DUOX1: variants seen among roughly 807,000 people sequenced by gnomAD.
The protein encoded by DUOX1 is NADPH thyroid oxidase 1.
In DUOX1, 134 loss-of-function variants were observed where a neutral mutation model predicts 181.8. The ratio of observed to expected loss-of-function variants is 0.74; its 90% CI spans 0.64 to 0.85. DUOX1 has a LOEUF of 0.85. Among genes scored for constraint, DUOX1 ranks in the 40% least tolerant of loss-of-function variants. The probability of loss-of-function intolerance (pLI) is 0.00; values close to 1 mark genes in which losing one functional copy is unlikely to be tolerated. For missense variants in DUOX1, 1,814 were observed against 2,064.4 expected (o/e 0.88, Z 2.35); for synonymous variants, 798 against 832.5 (o/e 0.96, Z 0.71).
At chr15:45,158,700 CAAAAAAAAAAAAAAAAAAA>C (rs58522871) in intron 28 of DUOX1, among the ~76,000 whole-genome samples, 52 of 47,046 alleles carry the variant, frequency 1.1e-3, no homozygotes, top group Admixed American at 1.5e-3. Context: ...ACTTCCATCT[CAAAAAAAAAAAAAAAAAAA>C]AAAAAAAAAA....
At chr15:45,134,095 C>G (rs1896220312) in intron 3 of DUOX1, 50 bp from the exon 4 acceptor site, 1 of 1,536,398 alleles carries the variant, frequency 6.5e-7, no homozygotes, top group Admixed American at 2.1e-5. Flanking sequence ...GAGAGGGGGT[C>G]AAGAATGCCC....
In DUOX1 at chr15:45,141,046, A is replaced by C; in HGVS notation, c.1541A>C (p.Tyr514Ser). 1 of 1,614,202 alleles carries C rather than the reference A, an allele frequency of 6.2e-7. No homozygotes were observed. The highest frequency in any genetic ancestry group is 2.2e-5 in the East Asian group (1 of 44,886). ...QFVRLRDGDR[Y>S]WFENTRNGLF... The stretch of plus-strand genomic sequence containing the variant: ...GTGCGGCTACGGGATGGTGACCGCT[A>C]CTGGTTTGAGAACACCAGGAATGGG... The change falls in exon 13 of 34, where the codon TAC becomes TCC. Residue 514 changes from tyrosine (Y) to serine (S), a missense_variant. By Grantham distance (144) the Tyr-to-Ser change is moderately radical. This residue lies in a region of DUOX1 where 1,064 missense variants were observed against 1,152.9 expected (regional missense o/e 0.92). Coordinates refer to ENST00000389037, the MANE Select transcript of DUOX1 (RefSeq NM_175940.3).
intron 28 of DUOX1, among the ~76,000 whole-genome samples, chr15:45,159,307 C>T (rs1897041359): frequency 6.6e-6 from 1 of 152,214 alleles, no homozygotes; most frequent in Non-Finnish European, 1.5e-5. Context: ...GCTTGGGCAA[C>T]ACCCATGACT....
chr15:45,148,447 G>T lies in DUOX1; in HGVS notation c.2818G>T (p.Gly940Trp), dbSNP rs758228749. The change falls in exon 21 of 34, where the codon GGG (glycine) becomes TGG (tryptophan). Residue 940 changes from glycine (G) to tryptophan (W), a missense_variant and splice_region_variant. Physicochemically the swap from Gly to Trp is radical, Grantham distance 184. Around this residue, in one of 5 missense-constraint regions of DUOX1, gnomAD observed 1,064 missense variants for 1,152.9 expected, o/e 0.92. Coordinates refer to ENST00000389037, the MANE Select transcript of DUOX1 (RefSeq NM_175940.3). ...ELRFTQLCVKGVEVPEVIKDL... is the reference protein window; with the variant it reads ...ELRFTQLCVKWVEVPEVIKDL... ...CCGCTTCACGCAGCTCTGTGTCAAA[G>T]GTGGGGCAGCCTGGTAGGCAGCACT... is the stretch of plus-strand genomic sequence containing the variant. 1.9e-6 allele frequency: 3 copies of T among 1,610,130 alleles called. No individual in the cohort carries two copies. The highest frequency in any genetic ancestry group is 2.5e-6 in the Non-Finnish European group (3 of 1,177,306).
At chr15:45,164,272 G>A (rs575937935) in intron 33 of DUOX1, among the ~76,000 whole-genome samples, 37 of 152,158 alleles carry the variant, frequency 2.4e-4, no homozygotes, top group Admixed American at 2.3e-3. Context: ...ATGAGCACTG[G>A]GCTAGTCACT....
chr15:45,151,334 C>T, intron 23 of DUOX1, 86 bp downstream of exon 23: 1 of 1,533,440 alleles, frequency 6.5e-7, no homozygotes, highest in Non-Finnish European at 8.8e-7. Flanking sequence ...AGGCACTGTG[C>T]TAAACATTGT....
intron 2 of DUOX1, among the ~76,000 whole-genome samples, chr15:45,133,661 A>C (rs1030938493): frequency 3.3e-5 from 5 of 151,978 alleles, no homozygotes; most frequent in African/African-American, 1.2e-4. Flanking sequence ...TGTCTCCCCC[A>C]CTGAGCAGCT....
intron 1 of DUOX1, among the ~76,000 whole-genome samples, 188 bp downstream of exon 1, chr15:45,130,286 A>G (rs956766970): frequency 2.6e-4 from 39 of 152,314 alleles, no homozygotes; most frequent in African/African-American, 9.1e-4. Context: ...CCTCTGCCCA[A>G]TCAAGGTTTT....
At chr15:45,154,900 G>A (rs993959742) in intron 27 of DUOX1, among the ~76,000 whole-genome samples, 3 of 152,162 alleles carry the variant, frequency 2.0e-5, no homozygotes, top group Admixed American at 6.5e-5. Context: ...GTGAGAGGAG[G>A]GGCCTCCCAC....
intron 27 of DUOX1, 123 bp downstream of exon 27, chr15:45,154,123 C>A: frequency 3.3e-6 from 3 of 916,864 alleles, no homozygotes; most frequent in Non-Finnish European, 5.4e-6. Context: ...CAGGCTCTGT[C>A]CTCTGGCCTG....
Position 45,156,526 on chromosome 15 carries a change from G to A in DUOX1, c.3702+597G>A, listed in dbSNP as rs556798314. On this transcript the variant is annotated intron_variant, in intron 28 of 33. Transcript: ENST00000389037. ...CAACTCACAGCAACCACCGCCTTCCGGGTTCAAGCAATTCTCCTGTCTCAG... is the reference window on the plus strand; with the variant it reads ...CAACTCACAGCAACCACCGCCTTCCAGGTTCAAGCAATTCTCCTGTCTCAG... Among the ~76,000 whole-genome samples, 152 of 152,248 alleles carry A rather than the reference G, an allele frequency of 1.0e-3. 3 individuals carry two copies. The South Asian group carries it at 0.028, about 28-fold the overall frequency.
rs1896510233 is a variant in DUOX1 at position 45,142,038 on chromosome 15, T to C, written c.1748T>C (p.Val583Ala). Residue 583 changes from valine to alanine, a missense_variant, in exon 15 of 34, where the codon GTT (valine) becomes GCT (alanine). Coordinates refer to ENST00000389037, the MANE Select transcript of DUOX1 (RefSeq NM_175940.3). ...TEGLPACAPS[V>A]VRDYFEGSGF... ...GGCCTGCCAGCGTGTGCTCCCTCTG[T>C]TGTTCGTGACTATTTTGAGGGCAGT... is the stretch of plus-strand genomic sequence containing the variant. 3 of 1,613,908 alleles carry C rather than the reference T, an allele frequency of 1.9e-6. No individual in the cohort carries two copies. The highest frequency in any genetic ancestry group is 1.3e-5 in the African/African-American group (1 of 74,912).
Position 45,152,010 on chromosome 15 carries a change from T to C in DUOX1, c.3151T>C (p.Phe1051Leu). 6.2e-7 allele frequency: 1 copy of C among 1,614,078 alleles called. No individual in the cohort carries two copies. The highest frequency in any genetic ancestry group is 1.1e-5 in the South Asian group (1 of 91,080). ...GCGCCACATCGGCTGCGTGGCCGTG[T>C]TCTACGCCATCGCTGGGGGGCTTTT... ...YRRHIGCVAV[F>L]YAIAGGLFLE... Residue 1051 changes from phenylalanine to leucine, a missense_variant, in exon 24 of 34, where the codon TTC becomes CTC. Around this residue, in one of 5 missense-constraint regions of DUOX1, gnomAD observed 1,064 missense variants for 1,152.9 expected, o/e 0.92. Coordinates refer to ENST00000389037, the MANE Select transcript of DUOX1 (RefSeq NM_175940.3).
rs1421152432 is a variant in DUOX1, at chr15:45,135,505, G to T, written c.527G>T (p.Ser176Ile). Residue 176 changes from serine to isoleucine, a missense_variant, in exon 6 of 34, where the codon AGC becomes ATC. Ser to Ile is a moderately radical substitution (Grantham distance 142). This residue lies in a region of DUOX1 where 320 missense variants were observed against 313.1 expected (regional missense o/e 1.02). Transcript: ENST00000389037. ...ANQVTGWLDG[S>I]AIYGSSHSWS... ...CAGGTGACGGGCTGGCTGGACGGCA[G>T]CGCCATCTATGGTTCCTCGCATTCC... 6 of 1,557,914 alleles carry T rather than the reference G, an allele frequency of 3.9e-6. No individual in the cohort carries two copies. In the East Asian group the frequency reaches 1.4e-4, roughly 37 times the overall value.
chr15:45,164,009 A>G (rs891847874), intron 33 of DUOX1, 91 bp downstream of exon 33: 1 of 1,534,130 alleles, frequency 6.5e-7, no homozygotes, highest in African/African-American at 1.4e-5. Context: ...GAAGAAATCG[A>G]CTGCTGATGA....
In DUOX1 at chr15:45,162,297, A is replaced by G. The variant is rs149126264; in HGVS notation, c.4168A>G (p.Ile1390Val). 3 of 1,614,020 alleles carry G rather than the reference A, an allele frequency of 1.9e-6. No homozygotes were observed. The highest frequency in any genetic ancestry group is 1.7e-6 in the Non-Finnish European group (2 of 1,179,960). The change falls in exon 31 of 34, where the codon ATT (isoleucine) becomes GTT (valine). Residue 1390 changes from isoleucine to valine, a missense_variant. Coordinates refer to ENST00000389037, the MANE Select transcript of DUOX1 (RefSeq NM_175940.3). Reference sequence around the variant, plus strand: ...GGTGTCAGTGTTAGTGGGAGGGGGCATTGGGGTCACCCCTTTTGCCTCCAT... The same window carrying G: ...GGTGTCAGTGTTAGTGGGAGGGGGCGTTGGGGTCACCCCTTTTGCCTCCAT... ...FEVSVLVGGG[I>V]GVTPFASILK...
chr15:45,140,924 C>T lies in DUOX1; in HGVS notation c.1419C>T (p.Asn473=), dbSNP rs774799207. Residue 473 remains asparagine (N), a synonymous_variant, in exon 13 of 34, where the codon AAC becomes AAT. Coordinates refer to ENST00000389037, the MANE Select transcript of DUOX1 (RefSeq NM_175940.3). Reference sequence around the variant, plus strand: ...TGGAGGCCACAGCTGCCCTGTACAACCAGGACTTATCCTGGCTAGAGCTGC... The same window carrying T: ...TGGAGGCCACAGCTGCCCTGTACAATCAGGACTTATCCTGGCTAGAGCTGC... ...TVLEATAALY[N]QDLSWLELLP... 2.2e-5 allele frequency: 35 copies of T among 1,614,178 alleles called. No homozygotes were observed. The highest frequency in any genetic ancestry group is 2.8e-5 in the Non-Finnish European group (33 of 1,180,028).
At chr15:45,156,625 G>T (rs1165178503) in intron 28 of DUOX1, among the ~76,000 whole-genome samples, 1 of 152,254 alleles carries the variant, frequency 6.6e-6, no homozygotes, top group East Asian at 1.9e-4. Context: ...TAGAGACAGG[G>T]TTTCACCATG....
At chr15:45,151,022 T>C in intron 22 of DUOX1, 101 bp from the exon 23 acceptor site, 1 of 1,529,948 alleles carries the variant, frequency 6.5e-7, no homozygotes, top group Non-Finnish European at 8.9e-7. Flanking sequence ...CTGACAGCTC[T>C]GATCCTTCCT....
Sources: gnomAD v4.1 joint callset for allele counts (sites outside exome capture counted in the v4.1 genomes callset) on GRCh38, gnomAD v4.1.1 for gene constraint, gnomAD v4.1.1 regional missense constraint, MANE v1.5 for transcripts, NCBI Gene and HGNC (gene_info 2026-07-23, HGNC 2026-07-21) for gene names.